The following MACROD2 variants were observed in gnomAD, a reference collection of about 807,000 sequenced individuals.
MACROD2 encodes the protein mono-ADP ribosylhydrolase 2.
MACROD2 carries 36 observed loss-of-function variants against 70.4 expected under a neutral mutation model. The ratio of observed to expected loss-of-function variants is 0.51; its 90% CI spans 0.39 to 0.68. The LOEUF (loss-of-function observed/expected upper bound fraction) is 0.68. MACROD2 is among the 30% of genes least tolerant of loss of function. The pLI, the probability that MACROD2 is intolerant of heterozygous loss-of-function variation, is 0.00. For missense variants in MACROD2, 496 were observed against 538.4 expected, an observed-to-expected ratio of 0.92 and a Z score of 0.78; for synonymous variants, 172 against 178.8, an observed-to-expected ratio of 0.96 and a Z score of 0.30.
intron 3 of MACROD2, among the ~76,000 whole-genome samples, chr20:14,432,781 T>C (rs2122933147): frequency 6.6e-6 from 1 of 152,232 alleles, no homozygotes; most frequent in South Asian, 2.1e-4. Context: ...CTGCAGTTTC[T>C]AACTAGGACT....
chr20:15,232,469 C>T (rs2145986668), intron 6 of MACROD2, among the ~76,000 whole-genome samples: 1 of 151,904 alleles, frequency 6.6e-6, no homozygotes, highest in East Asian at 1.9e-4. Flanking sequence ...CATTTTGTAA[C>T]TTTGGTTTCC....
chr20:14,163,982 A>G (rs886842579), intron 3 of MACROD2, among the ~76,000 whole-genome samples: 9 of 152,022 alleles, frequency 5.9e-5, no homozygotes, highest in Admixed American at 2.6e-4. Context: ...GAGAATTACT[A>G]CATTCTTTTG....
At chr20:14,013,397 C>T (rs940103416) in intron 2 of MACROD2, among the ~76,000 whole-genome samples, 8 of 151,784 alleles carry the variant, frequency 5.3e-5, no homozygotes, top group African/African-American at 1.4e-4. Flanking sequence ...CTCAGCCTCC[C>T]GAGTAGCTAG....
intron 8 of MACROD2, among the ~76,000 whole-genome samples, chr20:15,671,313 T>C (rs2049976680): frequency 6.6e-6 from 1 of 152,178 alleles, no homozygotes; most frequent in Admixed American, 6.5e-5. Context: ...AATGAGCCAT[T>C]GACTCAGGAA....
intron 3 of MACROD2, among the ~76,000 whole-genome samples, chr20:14,250,554 G>A (rs2082004235): frequency 6.6e-6 from 1 of 152,144 alleles, no homozygotes; most frequent in African/African-American, 2.4e-5. Context: ...GAGCCATTGT[G>A]TCCTTTAGAA....
intron 5 of MACROD2, among the ~76,000 whole-genome samples, chr20:14,968,158 GATA>G (rs1361139010): frequency 1.3e-5 from 2 of 152,254 alleles, no homozygotes; most frequent in East Asian, 3.9e-4. Context: ...CATATTAGCT[GATA>G]ATAATACTTA....
At chr20:15,980,953 G>A (rs1365758744) in intron 13 of MACROD2, among the ~76,000 whole-genome samples, 1 of 152,218 alleles carries the variant, frequency 6.6e-6, no homozygotes, top group Non-Finnish European at 1.5e-5. Flanking sequence ...GAGCCATCTT[G>A]TGTCTAAGTG....
intron 4 of MACROD2, among the ~76,000 whole-genome samples, chr20:14,581,006 A>G (rs976345978): frequency 1.3e-5 from 2 of 152,208 alleles, no homozygotes; most frequent in African/African-American, 4.8e-5. Context: ...ATATAAAACG[A>G]GTAACTATAA....
chr20:14,256,413 CTTATT>C (rs1035348029), intron 3 of MACROD2, among the ~76,000 whole-genome samples: 17 of 152,070 alleles, frequency 1.1e-4, no homozygotes, highest in African/African-American at 4.1e-4. Context: ...TTGACTATGT[CTTATT>C]TTCATGAATA....
chr20:15,039,270 TC>T (rs2123021545), intron 5 of MACROD2, among the ~76,000 whole-genome samples: 1 of 152,292 alleles, frequency 6.6e-6, no homozygotes, highest in South Asian at 2.1e-4. Flanking sequence ...TTGTTCACAT[TC>T]TTCTTGGCCT....
At chr20:15,254,890 A>G (rs1176735470) in intron 6 of MACROD2, among the ~76,000 whole-genome samples, 1 of 150,204 alleles carries the variant, frequency 6.7e-6, no homozygotes, top group African/African-American at 2.4e-5. Flanking sequence ...GTCAAACGTG[A>G]ATTCCTTGAA....
intron 5 of MACROD2, among the ~76,000 whole-genome samples, chr20:14,762,887 G>C (rs1032085543): frequency 1.3e-5 from 2 of 152,000 alleles, no homozygotes; most frequent in African/African-American, 4.8e-5. Flanking sequence ...CTGAGATTGC[G>C]CCACTGCACT....
chr20:15,264,348 G>C (rs911284209), intron 6 of MACROD2, among the ~76,000 whole-genome samples: 1 of 152,142 alleles, frequency 6.6e-6, no homozygotes, highest in African/African-American at 2.4e-5. Flanking sequence ...ACCAGTTATT[G>C]CTGGGGCAAA....
At chr20:15,578,069 T>C (rs978703188) in intron 8 of MACROD2, among the ~76,000 whole-genome samples, 6 of 152,206 alleles carry the variant, frequency 3.9e-5, no homozygotes, top group African/African-American at 1.4e-4. Context: ...TATAACTTTG[T>C]ATGTTTTTGT....
At chr20:14,541,705 T>A (rs1164951305) in intron 4 of MACROD2, among the ~76,000 whole-genome samples, 1 of 152,128 alleles carries the variant, frequency 6.6e-6, no homozygotes, top group Non-Finnish European at 1.5e-5. Context: ...TCAGATTCAT[T>A]TTGTGTGGTT....
At chr20:14,965,020 A>G (rs557345139) in intron 5 of MACROD2, among the ~76,000 whole-genome samples, 1 of 152,334 alleles carries the variant, frequency 6.6e-6, no homozygotes, top group South Asian at 2.1e-4. Flanking sequence ...AGACAGAAAG[A>G]TCATTTTTCT....
intron 6 of MACROD2, among the ~76,000 whole-genome samples, chr20:15,337,711 A>G (rs2078063991): frequency 6.6e-6 from 1 of 151,750 alleles, no homozygotes; most frequent in Admixed American, 6.6e-5. Context: ...TCAAAAAAAA[A>G]GAGAACAGTT....
intron 10 of MACROD2, among the ~76,000 whole-genome samples, chr20:15,929,967 AT>A (rs1388389001): frequency 6.6e-6 from 1 of 152,226 alleles, no homozygotes; most frequent in Admixed American, 6.5e-5. Flanking sequence ...CTTTTTCAGC[AT>A]GGGAAAGTAA....
At chr20:14,195,066 G>C (rs907424945) in intron 3 of MACROD2, among the ~76,000 whole-genome samples, 4 of 151,950 alleles carry the variant, frequency 2.6e-5, no homozygotes, top group African/African-American at 9.7e-5. Context: ...AATTTAACTT[G>C]AATTATTTTT....
Sources: allele counts gnomAD v4.1 joint callset (sites outside exome capture counted in the v4.1 genomes callset), GRCh38; gene constraint gnomAD v4.1.1; transcripts MANE v1.5; gene names NCBI Gene and HGNC (gene_info 2026-07-23, HGNC 2026-07-21).